The following RNF34 variants were observed in gnomAD, a reference collection of about 807,000 sequenced individuals.
RNF34 encodes ring finger protein 34.
RNF34 carries 12 observed loss-of-function variants against 37.9 expected under a neutral mutation model. The ratio of observed to expected loss-of-function variants is 0.32; its 90% CI spans 0.20 to 0.51. RNF34 has a LOEUF of 0.51. RNF34 is among the 20% of genes least tolerant of loss of function. The pLI, the probability that RNF34 is intolerant of heterozygous loss-of-function variation, is 0.97. For missense variants in RNF34, 362 were observed against 472.7 expected, an observed-to-expected ratio of 0.77 and a Z score of 2.17; for synonymous variants, 155 against 177.2, an observed-to-expected ratio of 0.87 and a Z score of 1.00.
chr12:121,415,486 T>C (rs1475467984), intron 1 of RNF34, among the ~76,000 whole-genome samples: 1 of 151,676 alleles, frequency 6.6e-6, no homozygotes, highest in East Asian at 2.0e-4. Flanking sequence ...GTGTGTGGCG[T>C]GTGCCTGTAA....
rs564309364 is a variant in RNF34, at chr12:121,414,852, G to A, written c.7-1307G>A. The stretch of plus-strand genomic sequence containing the variant: ...CTCATGCCTGTAATCCCAGCACTTC[G>A]GGAGGCCGAGGTGGGTGGATCACCT... On this transcript the variant is annotated intron_variant, in intron 1 of 5. Transcript: ENST00000361234. Among the ~76,000 whole-genome samples the A allele has an allele frequency of 3.9e-4, 59 of 152,298 alleles. No individual in the cohort carries two copies. The South Asian group carries it at 9.9e-3, about 26-fold the overall frequency.
intron 1 of RNF34, 131 bp from the exon 2 acceptor site, chr12:121,416,028 T>C (rs966913315): frequency 1.1e-5 from 7 of 646,384 alleles, no homozygotes; most frequent in African/African-American, 1.8e-5. Context: ...GAAATTTCAG[T>C]GCCCAGAGGA....
At chr12:121,414,572 T>C (rs899875303) in intron 1 of RNF34, among the ~76,000 whole-genome samples, 32 of 152,198 alleles carry the variant, frequency 2.1e-4, no homozygotes, top group African/African-American at 7.5e-4. Flanking sequence ...GAGTAGCAAA[T>C]AGCCCTTACG....
In RNF34 at chr12:121,420,289, C is replaced by T. The variant is rs377017432; in HGVS notation, c.681C>T (p.Asp227=). Residue 227 remains aspartate, a synonymous_variant, in exon 4 of 6, where the codon GAC becomes GAT. Transcript: ENST00000361234. ...CAAACACAGAAGATGATGATGACGA[C>T]GATGATGAGGATGATGATGATGAAG... ...TSANTEDDDD[D]DDEDDDDEEE... The T allele has an allele frequency of 2.1e-5, 34 of 1,592,832 alleles. No homozygotes were observed. The highest frequency in any genetic ancestry group is 2.6e-5 in the Non-Finnish European group (30 of 1,167,552).
Position 121,424,167 on chromosome 12 carries a change from A to AT in RNF34, c.*596dup, listed in dbSNP as rs1451814729. 3 of 152,842 alleles carry AT rather than the reference A, an allele frequency of 2.0e-5. No homozygotes were observed. The highest frequency in any genetic ancestry group is 1.9e-4 in the East Asian group (1 of 5,188). 9.5% of individuals were successfully genotyped at this position (152,842 alleles called of 1,614,324 possible). A position where few individuals can be genotyped will look rare whatever the true frequency, so the allele number is the denominator to read the frequency against. On this transcript the variant is annotated 3_prime_UTR_variant, in exon 6 of 6. Transcript: ENST00000361234. Reference sequence around the variant, plus strand: ...CCAGGGCCTTAGACTCCACATGTCCATTTTTGTTCAGGTATAGCTTTTTAT... The same window carrying AT: ...CCAGGGCCTTAGACTCCACATGTCCATTTTTTGTTCAGGTATAGCTTTTTAT...
chr12:121,400,284 G>T, intron 1 of RNF34, 66 bp downstream of exon 1: 1 of 1,566,694 alleles, frequency 6.4e-7, no homozygotes. Context: ...CACCTGAAGC[G>T]CCTCCTTTCT....
At chr12:121,407,915 C>T (rs1870704357) in intron 1 of RNF34, among the ~76,000 whole-genome samples, 1 of 151,634 alleles carries the variant, frequency 6.6e-6, no homozygotes, top group African/African-American at 2.4e-5. Flanking sequence ...ATCCCTTGTC[C>T]CCCTCTCCAC....
intron 1 of RNF34, among the ~76,000 whole-genome samples, chr12:121,407,492 G>A (rs1870660189): frequency 6.6e-6 from 1 of 152,182 alleles, no homozygotes; most frequent in South Asian, 2.1e-4. Context: ...GAAGCCAAAG[G>A]CATATGCCTA....
chr12:121,413,575 C>CTTT (rs35917782), intron 1 of RNF34, among the ~76,000 whole-genome samples: 5 of 108,740 alleles, frequency 4.6e-5, no homozygotes, highest in African/African-American at 8.6e-5. Context: ...CCATGCCCAG[C>CTTT]TTTTTTTTTT....
chr12:121,422,173 A>G (rs782737185), intron 5 of RNF34, among the ~76,000 whole-genome samples: 2 of 152,226 alleles, frequency 1.3e-5, no homozygotes, highest in Non-Finnish European at 2.9e-5. Flanking sequence ...CATGGTTGTT[A>G]TTATGACAGC....
chr12:121,407,174 T>G (rs1870625045), intron 1 of RNF34, among the ~76,000 whole-genome samples: 1 of 152,202 alleles, frequency 6.6e-6, no homozygotes, highest in Non-Finnish European at 1.5e-5. Context: ...CCATGGAGTT[T>G]TGCTGCCAAC....
rs1244383887 is a variant in RNF34, at chr12:121,423,203, T to C, written c.929-183T>C. ...AAACCCTGAGGTATAGCTTTTATCA[T>C]TGCCATTTCTAGTGGAGAGAACCAA... On this transcript the variant is annotated intron_variant, in intron 5 of 5. Coordinates refer to ENST00000361234, the MANE Select transcript of RNF34 (RefSeq NM_025126.4). The surrounding 1 kb of genome is among the most constrained non-coding windows in gnomAD (Gnocchi z 4.3). Among the ~76,000 whole-genome samples the C allele has an allele frequency of 1.3e-5, 2 of 152,242 alleles. No individual in the cohort carries two copies. The highest frequency in any genetic ancestry group is 2.9e-5 in the Non-Finnish European group (2 of 68,046).
At chr12:121,410,314 G>A (rs1233785055) in intron 1 of RNF34, among the ~76,000 whole-genome samples, 4 of 151,712 alleles carry the variant, frequency 2.6e-5, no homozygotes, top group Admixed American at 6.6e-5. Flanking sequence ...TGAGGCAGGC[G>A]GATTACGAGG....
chr12:121,416,837 T>C lies in RNF34; in HGVS notation c.225+460T>C, dbSNP rs1871617724. 3.3e-5 allele frequency among the ~76,000 whole-genome samples: 5 copies of C among 152,248 alleles called. No individual in the cohort carries two copies. The South Asian group carries it at 1.0e-3, about 31-fold the overall frequency. On this transcript the variant is annotated intron_variant, in intron 2 of 5. Transcript: ENST00000361234. ...CAGTTATTTTCACTAAGATGGAAAG[T>C]CATTCAGAGACCCATCATATTGGTA...
chr12:121,423,748 C>T lies in RNF34; in HGVS notation c.*172C>T. ...TGAGTTGTGGAAACATTGGTCCATG[C>T]CGTGAGCCTGTCTGCCTGTGGACAC... is the stretch of plus-strand genomic sequence containing the variant. On this transcript the variant is annotated 3_prime_UTR_variant, in exon 6 of 6. Transcript: ENST00000361234. This position sits in a 1 kb window ranked among gnomAD's most constrained non-coding sequence, Gnocchi z 4.3. 2 of 624,228 alleles carry T rather than the reference C, an allele frequency of 3.2e-6. No homozygotes were observed. The highest frequency in any genetic ancestry group is 5.4e-6 in the Non-Finnish European group (2 of 370,138). The allele number at this position is 624,228 out of a possible 1,614,324, so 38.7% of individuals were successfully genotyped here. A position where few individuals can be genotyped will look rare whatever the true frequency, so the allele number is the denominator to read the frequency against.
In RNF34 at chr12:121,410,869, A is replaced by G. The variant is rs182581069; in HGVS notation, c.7-5290A>G. Reference sequence around the variant, plus strand: ...GCTGACAGTAGTTAATATGTGTCTGAGTTGTACTGAATATTGGGTTATAGC... The same window carrying G: ...GCTGACAGTAGTTAATATGTGTCTGGGTTGTACTGAATATTGGGTTATAGC... On this transcript the variant is annotated intron_variant, in intron 1 of 5. Transcript: ENST00000361234. Among the ~76,000 whole-genome samples the G allele has an allele frequency of 1.8e-3, 274 of 152,278 alleles. 2 individuals carry two copies. Among genetic ancestry groups the G allele is most frequent in the Non-Finnish European group, 2.9e-4 (20 of 68,018 alleles).
chr12:121,415,168 A>G (rs894349282), intron 1 of RNF34: 6 of 197,906 alleles, frequency 3.0e-5, no homozygotes, highest in African/African-American at 1.1e-4. Flanking sequence ...ATTAAAATCT[A>G]TTCTGGTTTG....
At chr12:121,422,596 G>A (rs1872262828) in intron 5 of RNF34, among the ~76,000 whole-genome samples, 1 of 152,222 alleles carries the variant, frequency 6.6e-6, no homozygotes, top group South Asian at 2.1e-4. Context: ...TAAATCTAGA[G>A]ACTACTGACC....
At chr12:121,413,246 T>C (rs1871260738) in intron 1 of RNF34, among the ~76,000 whole-genome samples, 1 of 149,962 alleles carries the variant, frequency 6.7e-6, no homozygotes, top group Admixed American at 6.7e-5. Context: ...AGGCTGTTCT[T>C]GAACTCCTGA....
Sources: allele counts gnomAD v4.1 joint callset (sites outside exome capture counted in the v4.1 genomes callset), GRCh38; gene constraint gnomAD v4.1.1; non-coding constraint Gnocchi (gnomAD v3.1); transcripts MANE v1.5; gene names NCBI Gene and HGNC (gene_info 2026-07-23, HGNC 2026-07-21).